ZBTB44: variants seen among roughly 807,000 people sequenced by gnomAD.
ZBTB44 encodes the protein zinc finger and BTB domain-containing protein 44.
Under a neutral mutation model 54.0 loss-of-function variants are expected in ZBTB44, and 15 were observed. The observed-to-expected ratio is 0.28, with a 90% confidence interval of 0.19 to 0.43. The LOEUF is 0.43. Ranked by LOEUF, ZBTB44 falls within the 20% of genes least tolerant of loss-of-function variation. ZBTB44 has a pLI of 1.00. For synonymous variants in ZBTB44, 230 were observed against 250.1 expected (o/e 0.92, Z 0.76); for missense variants, 487 against 707.1 (o/e 0.69, Z 3.53).
intron 1 of ZBTB44, among the ~76,000 whole-genome samples, chr11:130,303,046 CTTTAT>C (rs1343758003): frequency 6.6e-6 from 1 of 152,102 alleles, no homozygotes; most frequent in African/African-American, 2.4e-5. Flanking sequence ...AAAACTTATT[CTTTAT>C]TTTCTTATCA....
intron 1 of ZBTB44, among the ~76,000 whole-genome samples, chr11:130,273,100 T>C (rs1339726617): frequency 1.3e-5 from 2 of 152,204 alleles, no homozygotes; most frequent in Admixed American, 6.6e-5. Flanking sequence ...AGGATTCTGA[T>C]AGGAACTGCA....
rs542543242 is a variant in ZBTB44, at chr11:130,291,259, T to C, written c.-57+23116A>G. Among the ~76,000 whole-genome samples, 13 of 152,138 alleles carry C rather than the reference T, an allele frequency of 8.5e-5. No homozygotes were observed. The South Asian group carries it at 2.7e-3, about 32-fold the overall frequency. ...ATTCAAGCAATTCTCGTGCCTCAGC[T>C]TCCTGAGTAGCTGGGATTATAGGCG... On this transcript the variant is annotated intron_variant, in intron 1 of 7. Coordinates refer to ENST00000357899, the MANE Select transcript of ZBTB44 (RefSeq NM_001301098.2).
At chr11:130,236,225 C>T (rs1422735312) in intron 5 of ZBTB44, 21 of 1,282,224 alleles carry the variant, frequency 1.6e-5, no homozygotes, top group African/African-American at 1.4e-4. Context: ...CCCTATAAAT[C>T]AGAAAGGTAA....
At chr11:130,312,834 A>G (rs1163750174) in intron 1 of ZBTB44, among the ~76,000 whole-genome samples, 1 of 152,208 alleles carries the variant, frequency 6.6e-6, no homozygotes, top group East Asian at 1.9e-4. Flanking sequence ...AGGCATTAAT[A>G]ATGATACTGG....
At chr11:130,252,804 A>G (rs952985183) in intron 2 of ZBTB44, among the ~76,000 whole-genome samples, 2 of 152,240 alleles carry the variant, frequency 1.3e-5, no homozygotes, top group African/African-American at 4.8e-5. Flanking sequence ...CATCAATGCA[A>G]AAATCCTCAA....
chr11:130,307,207 A>G (rs375008852), intron 1 of ZBTB44, among the ~76,000 whole-genome samples: 2 of 152,166 alleles, frequency 1.3e-5, no homozygotes, highest in African/African-American at 4.8e-5. Flanking sequence ...GGCAGATCAC[A>G]AGGTAAGGAG....
chr11:130,305,180 T>C (rs567707287), intron 1 of ZBTB44, among the ~76,000 whole-genome samples: 5 of 152,326 alleles, frequency 3.3e-5, no homozygotes, highest in Admixed American at 2.6e-4. Flanking sequence ...ATGACCTTAC[T>C]GCCAAATGCA....
chr11:130,309,417 T>C (rs74995849), intron 1 of ZBTB44, among the ~76,000 whole-genome samples: 1,977 of 152,332 alleles, frequency 0.013, 49 homozygotes, highest in African/African-American at 0.045. Context: ...TGTGCTCTGC[T>C]TACTTTAGAT....
chr11:130,247,575 C>T (rs528385640), intron 2 of ZBTB44, among the ~76,000 whole-genome samples: 1 of 152,304 alleles, frequency 6.6e-6, no homozygotes, highest in African/African-American at 2.4e-5. Flanking sequence ...TAACGGCCTA[C>T]AAGAGAAATA....
intron 2 of ZBTB44, among the ~76,000 whole-genome samples, chr11:130,252,691 G>C (rs1464696524): frequency 6.6e-6 from 1 of 152,096 alleles, no homozygotes; most frequent in East Asian, 1.9e-4. Flanking sequence ...AGTAGAAAAA[G>C]AGGGAATCCT....
chr11:130,254,986 A>G (rs1938316052), intron 2 of ZBTB44, among the ~76,000 whole-genome samples: 1 of 150,288 alleles, frequency 6.7e-6, no homozygotes, highest in African/African-American at 2.4e-5. Flanking sequence ...AAAAAACCAA[A>G]CACTGCATGT....
chr11:130,314,082 A>AC (rs57820971), intron 1 of ZBTB44, among the ~76,000 whole-genome samples: 152,302 of 152,302 alleles, frequency 1, 76,151 homozygotes, highest in Non-Finnish European at 1. Flanking sequence ...AGGTGGCAAC[A>AC]CTCCGGCCGC....
chr11:130,265,624 A>G (rs1591986607), intron 1 of ZBTB44, among the ~76,000 whole-genome samples: 1 of 152,252 alleles, frequency 6.6e-6, no homozygotes, highest in Non-Finnish European at 1.5e-5. Flanking sequence ...GAAGGAAATT[A>G]AAAGTGCTAC....
chr11:130,229,745 T>TA lies in ZBTB44; in HGVS notation c.*2018dup, dbSNP rs1953805202. The TA allele has an allele frequency of 6.6e-6, 1 of 152,164 alleles. No homozygotes were observed. Among genetic ancestry groups the TA allele is most frequent in the Non-Finnish European group, 1.5e-5 (1 of 68,004 alleles). 9.4% of individuals were successfully genotyped at this position (152,164 alleles called of 1,614,324 possible). On this transcript the variant is annotated 3_prime_UTR_variant, in exon 8 of 8. Transcript: ENST00000357899. ...TAGCTTTTATACATTCATCTCTCAA[T>TA]AACTTTCAAAATCTAAATATATTAC... is the stretch of plus-strand genomic sequence containing the variant.
intron 1 of ZBTB44, among the ~76,000 whole-genome samples, chr11:130,276,345 G>T (rs1465976808): frequency 1.3e-5 from 2 of 151,876 alleles, no homozygotes; most frequent in Non-Finnish European, 2.9e-5. Flanking sequence ...TATTGTTGCT[G>T]GGTGAAGTGT....
chr11:130,248,575 A>G (rs950445168), intron 2 of ZBTB44, among the ~76,000 whole-genome samples: 3 of 151,962 alleles, frequency 2.0e-5, no homozygotes, highest in African/African-American at 7.3e-5. Context: ...CAGGAGGCAG[A>G]GGTTGCAGTG....
At chr11:130,297,426 AC>A (rs1270218896) in intron 1 of ZBTB44, among the ~76,000 whole-genome samples, 1 of 152,230 alleles carries the variant, frequency 6.6e-6, no homozygotes, top group African/African-American at 2.4e-5. Context: ...TCGCCAACTT[AC>A]CTCTGCACAA....
At position 130,261,097 on chromosome 11, in the gene ZBTB44, T is replaced by C; in HGVS notation, c.777A>G (p.Pro259=). The change falls in exon 2 of 8, where the codon CCA becomes CCG. Residue 259 remains proline (P), a synonymous_variant. Coordinates refer to ENST00000357899, the MANE Select transcript of ZBTB44 (RefSeq NM_001301098.2). The surrounding 1 kb of genome is among the most constrained non-coding windows in gnomAD (Gnocchi z 4.8). ...ENTRTLELPG[P]SETGRRMADY... is the part of the protein sequence containing the mutation. ...CAGCCATTCTTCTACCGGTCTCAGATGGGCCAGGTAATTCTAAAGTCCGGG... is the reference window on the plus strand; with the variant it reads ...CAGCCATTCTTCTACCGGTCTCAGACGGGCCAGGTAATTCTAAAGTCCGGG... The C allele has an allele frequency of 2.5e-6, 4 of 1,614,026 alleles. No individual in the cohort carries two copies. Among genetic ancestry groups the C allele is most frequent in the Non-Finnish European group, 2.5e-6 (3 of 1,179,890 alleles).
chr11:130,257,686 G>C (rs1343306570), intron 2 of ZBTB44, among the ~76,000 whole-genome samples: 1 of 152,138 alleles, frequency 6.6e-6, no homozygotes, highest in Admixed American at 6.6e-5. Context: ...GTACTTTGTT[G>C]CAGCAGCCCA....
Sources: allele counts gnomAD v4.1 joint callset (sites outside exome capture counted in the v4.1 genomes callset), GRCh38; gene constraint gnomAD v4.1.1; non-coding constraint Gnocchi (gnomAD v3.1); transcripts MANE v1.5; gene names NCBI Gene and HGNC (gene_info 2026-07-23, HGNC 2026-07-21).